METTL15: variants seen among roughly 807,000 people sequenced by gnomAD.
METTL15 encodes the protein methyltransferase 15, mitochondrial 12S rRNA N4-cytidine.
In METTL15, 34 loss-of-function variants were observed where a neutral mutation model predicts 38.3. The observed-to-expected ratio is 0.89, with a 90% CI of 0.68 to 1.18. The LOEUF (loss-of-function observed/expected upper bound fraction) is 1.18. Ranked by LOEUF, METTL15 falls within the 50% of genes most tolerant of loss-of-function variation. The pLI, the probability that METTL15 is intolerant of heterozygous loss-of-function variation, is 0.00. For synonymous variants in METTL15, 162 were observed against 170.9 expected (o/e 0.95, Z 0.41); for missense variants, 438 against 498.4 (o/e 0.88, Z 1.15).
intron 6 of METTL15, among the ~76,000 whole-genome samples, chr11:28,456,328 G>C (rs939391786): frequency 2.0e-5 from 3 of 152,062 alleles, no homozygotes; most frequent in Non-Finnish European, 4.4e-5. Flanking sequence ...GGTTTCTCCT[G>C]CTTGGTCAGA....
intron 3 of METTL15, among the ~76,000 whole-genome samples, chr11:28,149,578 T>A (rs1464546881): frequency 6.6e-6 from 1 of 151,912 alleles, no homozygotes; most frequent in African/African-American, 2.4e-5. Context: ...AATAATGAAT[T>A]TGGATTAGGT....
intron 3 of METTL15, among the ~76,000 whole-genome samples, chr11:28,340,064 A>C (rs1348574305): frequency 1.3e-5 from 2 of 152,148 alleles, no homozygotes; most frequent in Non-Finnish European, 2.9e-5. Context: ...GCTCACTGAA[A>C]TTATGAAGCT....
chr11:28,275,596 C>A (rs1006032301), intron 4 of METTL15, among the ~76,000 whole-genome samples: 1 of 150,884 alleles, frequency 6.6e-6, no homozygotes, highest in African/African-American at 2.4e-5. Context: ...CCTAACTAAT[C>A]CTACAAGATC....
intron 4 of METTL15, chr11:28,261,461 G>T: frequency 6.4e-6 from 1 of 156,714 alleles, no homozygotes. Flanking sequence ...CAGATCAGCT[G>T]AATCAACTCT....
intron 3 of METTL15, among the ~76,000 whole-genome samples, chr11:28,139,908 G>A (rs573860328): frequency 4.6e-5 from 7 of 152,356 alleles, no homozygotes; most frequent in African/African-American, 1.7e-4. Context: ...CCAACAGGGA[G>A]AGAAACTCTT....
chr11:28,528,948 T>C (rs1444191762), downstream of METTL15, among the ~76,000 whole-genome samples: 1 of 152,140 alleles, frequency 6.6e-6, no homozygotes, highest in Non-Finnish European at 1.5e-5. Context: ...ATGAGGCAAA[T>C]GTTTGACATG....
At chr11:28,223,955 C>T (rs1202168756) in intron 4 of METTL15, among the ~76,000 whole-genome samples, 1 of 151,916 alleles carries the variant, frequency 6.6e-6, no homozygotes, top group Non-Finnish European at 1.5e-5. Flanking sequence ...ACTATGTATA[C>T]TAAGTTTAGA....
intron 6 of METTL15, among the ~76,000 whole-genome samples, chr11:28,516,418 A>G (rs1851719898): frequency 6.6e-6 from 1 of 152,206 alleles, no homozygotes; most frequent in South Asian, 2.1e-4. Flanking sequence ...GCAATGAAGG[A>G]AGATTGAAGT....
At chr11:28,168,699 A>T (rs1850746123) in intron 3 of METTL15, among the ~76,000 whole-genome samples, 2 of 151,864 alleles carry the variant, frequency 1.3e-5, no homozygotes, top group Admixed American at 1.3e-4. Context: ...CTGTAGTACA[A>T]ATATTACCCA....
At chr11:28,196,032 G>C (rs577552089) in intron 3 of METTL15, among the ~76,000 whole-genome samples, 1 of 152,016 alleles carries the variant, frequency 6.6e-6, no homozygotes, top group South Asian at 2.1e-4. Flanking sequence ...TTGACATCTG[G>C]GTTCTCTATT....
At chr11:28,415,198 T>A (rs544959613) in intron 5 of METTL15, among the ~76,000 whole-genome samples, 138 of 152,188 alleles carry the variant, frequency 9.1e-4, no homozygotes, top group Non-Finnish European at 1.8e-3. Flanking sequence ...TTTTCTGTAG[T>A]ATATAGAGTT....
intron 5 of METTL15, among the ~76,000 whole-genome samples, chr11:28,422,899 T>G (rs1850832966): frequency 6.6e-6 from 1 of 151,460 alleles, no homozygotes; most frequent in Non-Finnish European, 1.5e-5. Context: ...ATCAACAAAG[T>G]AAAGAAAACA....
chr11:28,456,661 C>G (rs1438710232), intron 6 of METTL15, among the ~76,000 whole-genome samples: 2 of 151,906 alleles, frequency 1.3e-5, no homozygotes, highest in Non-Finnish European at 2.9e-5. Flanking sequence ...AGGCTGGTCC[C>G]GAACTCCTGA....
At chr11:28,306,379 A>G (rs537448833) in intron 6 of METTL15, among the ~76,000 whole-genome samples, 2 of 152,226 alleles carry the variant, frequency 1.3e-5, no homozygotes, top group South Asian at 4.1e-4. Flanking sequence ...AAAAATGAAG[A>G]AAGATTATTT....
chr11:28,357,196 C>T (rs1850097891), intron 4 of METTL15, among the ~76,000 whole-genome samples: 1 of 152,166 alleles, frequency 6.6e-6, no homozygotes, highest in Admixed American at 6.5e-5. Flanking sequence ...ACATACAGTT[C>T]TTTGGCTTTA....
chr11:28,256,862 C>T (rs191743873), intron 4 of METTL15, among the ~76,000 whole-genome samples: 3 of 152,082 alleles, frequency 2.0e-5, no homozygotes, highest in East Asian at 3.9e-4. Context: ...CCTCTTAGTA[C>T]GCTTTTGTTT....
rs564590560 is a variant in METTL15, at chr11:28,519,830, C to T, written c.*425-6648C>T. ...CACCTTCTTGTTATAGAAGAGGAATCTGAGGCCAAAGAAGTAAAGTGACAC... is the reference window on the plus strand; with the variant it reads ...CACCTTCTTGTTATAGAAGAGGAATTTGAGGCCAAAGAAGTAAAGTGACAC... On this transcript the variant is annotated intron_variant and NMD_transcript_variant, in intron 6 of 7. Transcript: ENST00000532947. Among the ~76,000 whole-genome samples the T allele has an allele frequency of 8.5e-5, 13 of 152,204 alleles. No individual in the cohort carries two copies. The South Asian group carries it at 2.7e-3, about 32-fold the overall frequency.
At chr11:28,356,237 C>A (rs1850088773) in intron 4 of METTL15, among the ~76,000 whole-genome samples, 1 of 152,112 alleles carries the variant, frequency 6.6e-6, no homozygotes, top group South Asian at 2.1e-4. Flanking sequence ...TTATTTTGTC[C>A]ATTTATGTAT....
chr11:28,282,878 A>G (rs1225238203), intron 4 of METTL15, among the ~76,000 whole-genome samples: 2 of 152,214 alleles, frequency 1.3e-5, no homozygotes, highest in Non-Finnish European at 1.5e-5. Context: ...GCTGACCCAT[A>G]GAATCATAAG....
Sources: gnomAD v4.1 joint callset for allele counts (sites outside exome capture counted in the v4.1 genomes callset) on GRCh38, gnomAD v4.1.1 for gene constraint, MANE v1.5 for transcripts, NCBI Gene and HGNC (gene_info 2026-07-23, HGNC 2026-07-21) for gene names.